The following GEN1 variants were observed in gnomAD, a reference collection of about 807,000 sequenced individuals.
The protein encoded by GEN1 is GEN1 structure-specific endonuclease, also known as flap endonuclease GEN homolog 1.
Under a neutral mutation model 67.6 loss-of-function variants are expected in GEN1, and 64 were observed. That is an observed-to-expected ratio of 0.95 (90% confidence interval 0.77 to 1.17). GEN1 has a LOEUF of 1.17. Among genes scored for constraint, GEN1 ranks in the 50% most tolerant of loss-of-function variants. GEN1 has a pLI of 0.00. For synonymous variants in GEN1, 371 were observed against 359.4 expected, an observed-to-expected ratio of 1.03 and a Z score of -0.37; for missense variants, 1,058 against 1,048.3, an observed-to-expected ratio of 1.01 and a Z score of -0.13.
rs62130895 is a variant in GEN1, at chr2:17,787,237, C to A, written c.*5298C>A. 6.6e-6 allele frequency: 1 copy of A among 152,182 alleles called. No homozygotes were observed. The highest frequency in any genetic ancestry group is 1.5e-5 in the Non-Finnish European group (1 of 68,046). 9.4% of individuals were successfully genotyped at this position (152,182 alleles called of 1,614,324 possible). ...AGAGTATTTATCACATTCATTCATT[C>A]GTTCCACAAATATTAGCTGATGCCT... On this transcript the variant is annotated 3_prime_UTR_variant, in exon 14 of 14. Coordinates refer to ENST00000381254, the MANE Select transcript of GEN1 (RefSeq NM_001130009.3).
chr2:17,753,420 G>C (rs184786467), upstream of GEN1, among the ~76,000 whole-genome samples: 2 of 78,010 alleles, frequency 2.6e-5, no homozygotes, highest in Non-Finnish European at 5.5e-5. Flanking sequence ...TGCCGCCTCG[G>C]AGAGCGCGCG....
rs1163799992 is a variant in GEN1 at position 17,784,328 on chromosome 2, T to C, written c.*2389T>C. ...AGATAATAACTAGTATTGATGAGGA[T>C]GTGGAGAAATTGAAATTCTCATAAC... On this transcript the variant is annotated 3_prime_UTR_variant, in exon 14 of 14. Coordinates refer to ENST00000381254, the MANE Select transcript of GEN1 (RefSeq NM_001130009.3). 1.3e-5 allele frequency: 2 copies of C among 152,182 alleles called. No homozygotes were observed. The highest frequency in any genetic ancestry group is 3.8e-4 in the East Asian group (2 of 5,200). 9.4% of individuals were successfully genotyped at this position (152,182 alleles called of 1,614,324 possible).
chr2:17,777,956 A>G, intron 11 of GEN1, 46 bp from the exon 12 acceptor site: 1 of 1,113,618 alleles, frequency 9.0e-7, no homozygotes, highest in Non-Finnish European at 1.4e-6. Context: ...GAAAATTTCC[A>G]AATATCTTAT....
intron 1 of GEN1, chr2:17,755,290 T>A (rs1671365952): frequency 6.6e-6 from 1 of 152,206 alleles, no homozygotes; most frequent in Non-Finnish European, 1.5e-5. Context: ...GTGGGGGACC[T>A]TTTTTCCTAA....
Position 17,759,934 on chromosome 2 carries a change from A to G in GEN1, c.-10A>G. 1.9e-6 allele frequency: 3 copies of G among 1,613,136 alleles called. No homozygotes were observed. The highest frequency in any genetic ancestry group is 2.7e-5 in the African/African-American group (2 of 74,994). ...AAGTGTGTTTCACATAACAGCAGAT[A>G]ATCACCAGAATGGGAGTGAATGACT... is the stretch of plus-strand genomic sequence containing the variant. On this transcript the variant is annotated 5_prime_UTR_variant, in exon 2 of 14. The change creates a new upstream start codon in the 5' untranslated region. Coordinates refer to ENST00000381254, the MANE Select transcript of GEN1 (RefSeq NM_001130009.3).
intron 6 of GEN1, among the ~76,000 whole-genome samples, chr2:17,769,553 T>C (rs115864287): frequency 0.014 from 2,178 of 152,332 alleles, 18 homozygotes; most frequent in Non-Finnish European, 0.02. Context: ...TTTGATATTG[T>C]ATTTTCTTTC....
chr2:17,771,594 T>C (rs1672192833), intron 7 of GEN1, among the ~76,000 whole-genome samples: 1 of 152,114 alleles, frequency 6.6e-6, no homozygotes, highest in East Asian at 1.9e-4. Flanking sequence ...GAAAAAAATA[T>C]ATACTAATAA....
At chr2:17,770,982 C>T (rs1182423740) in intron 6 of GEN1, 8 of 608,222 alleles carry the variant, frequency 1.3e-5, no homozygotes, top group Admixed American at 6.5e-5. Context: ...TATACTCTCT[C>T]TCCTGTCTTG....
intron 7 of GEN1, 121 bp downstream of exon 7, chr2:17,771,408 A>G (rs1289993905): frequency 1.5e-6 from 1 of 649,546 alleles, no homozygotes; most frequent in Non-Finnish European, 2.7e-6. Context: ...TGTCTTCTCC[A>G]CTAGATTAGG....
At position 17,781,811 on chromosome 2, in the gene GEN1, T is replaced by C. The variant is rs746489289; in HGVS notation, c.2599T>C (p.Phe867Leu). Residue 867 changes from phenylalanine (F) to leucine (L), a missense_variant, in exon 14 of 14, where the codon TTC becomes CTC. Transcript: ENST00000381254. ...AACAGCTGAAAATGAAGAAAGCTGTTTCCCAGATTCAACAAAAAGTTCTCT... is the reference window on the plus strand; with the variant it reads ...AACAGCTGAAAATGAAGAAAGCTGTCTCCCAGATTCAACAAAAAGTTCTCT... Reference protein sequence around the residue: ...YETAENEESCFPDSTKSSLSS... With the variant: ...YETAENEESCLPDSTKSSLSS... 3 of 1,612,480 alleles carry C rather than the reference T, an allele frequency of 1.9e-6. No homozygotes were observed. The highest frequency in any genetic ancestry group is 2.5e-6 in the Non-Finnish European group (3 of 1,179,460).
intron 11 of GEN1, among the ~76,000 whole-genome samples, chr2:17,777,796 C>T (rs1672508969): frequency 6.6e-6 from 1 of 151,894 alleles, no homozygotes; most frequent in Non-Finnish European, 1.5e-5. Context: ...AGGTAAGAAA[C>T]AACTTACTTA....
intron 5 of GEN1, among the ~76,000 whole-genome samples, chr2:17,767,108 C>T (rs898699040): frequency 3.3e-5 from 5 of 152,128 alleles, no homozygotes; most frequent in Admixed American, 1.3e-4. Flanking sequence ...TGCTAAGTCA[C>T]GTGATCATTG....
Position 17,772,710 on chromosome 2 carries a change from A to C in GEN1, c.879A>C (p.Glu293Asp), listed in dbSNP as rs1368324321. The C allele has an allele frequency of 6.2e-7, 1 of 1,612,184 alleles. No homozygotes were observed. Among genetic ancestry groups the C allele is most frequent in the South Asian group, 1.1e-5 (1 of 90,994 alleles). ...SDKYCEPHDY[E>D]YCCPCEWHRT... Reference sequence around the variant, plus strand: ...AATATTGTGAGCCACATGACTATGAATACTGCTGTCCTTGTGAGTGGCACC... The same window carrying C: ...AATATTGTGAGCCACATGACTATGACTACTGCTGTCCTTGTGAGTGGCACC... Residue 293 changes from glutamate to aspartate, a missense_variant, in exon 8 of 14, where the codon GAA becomes GAC. Coordinates refer to ENST00000381254, the MANE Select transcript of GEN1 (RefSeq NM_001130009.3).
rs374287739 is a variant in GEN1, at chr2:17,786,980, C to G, written c.*5041C>G. ...GCTCACAAGGCTGAGGCAGCCTGGC[C>G]CCAACTTGTCTCTTCAGCTTCATGC... On this transcript the variant is annotated 3_prime_UTR_variant, in exon 14 of 14. Transcript: ENST00000381254. The G allele has an allele frequency of 2.0e-5, 3 of 152,306 alleles. No homozygotes were observed. The highest frequency in any genetic ancestry group is 7.2e-5 in the African/African-American group (3 of 41,564). The allele number at this position is 152,306 out of a possible 1,614,324, so 9.4% of individuals were successfully genotyped here. A position where few individuals can be genotyped will look rare whatever the true frequency, so the allele number is the denominator to read the frequency against.
rs1672799553 is a variant in GEN1 at position 17,780,959 on chromosome 2, C to T, written c.1747C>T (p.Leu583=). The change falls in exon 14 of 14, where the codon CTA becomes TTA. Residue 583 remains leucine, a synonymous_variant. Coordinates refer to ENST00000381254, the MANE Select transcript of GEN1 (RefSeq NM_001130009.3). The part of the protein sequence containing the change: ...SSHNISVIAD[L]HLSTIDWEGT... ...TCATAATATATCCGTGATTGCTGAT[C>T]TACACTTGAGCACTATTGACTGGGA... 1 of 1,613,470 alleles carries T rather than the reference C, an allele frequency of 6.2e-7. No homozygotes were observed.
chr2:17,763,181 TCTC>T (rs551017208), intron 3 of GEN1, among the ~76,000 whole-genome samples: 17 of 152,314 alleles, frequency 1.1e-4, no homozygotes, highest in African/African-American at 3.6e-4. Context: ...ATGCCATTTT[TCTC>T]CTCTTCTGAA....
Position 17,782,123 on chromosome 2 carries a change from C to T in GEN1, c.*184C>T, listed in dbSNP as rs957832835. Reference sequence around the variant, plus strand: ...CCTAAAACTCTGGTTTTAAAAGATCCTCTGTATTGAAAACTTCTGATAATG... The same window carrying T: ...CCTAAAACTCTGGTTTTAAAAGATCTTCTGTATTGAAAACTTCTGATAATG... On this transcript the variant is annotated 3_prime_UTR_variant, in exon 14 of 14. Transcript: ENST00000381254. The T allele has an allele frequency of 2.1e-6, 1 of 471,044 alleles. No individual in the cohort carries two copies. Among genetic ancestry groups the T allele is most frequent in the African/African-American group, 2.0e-5 (1 of 49,850 alleles). The allele number at this position is 471,044 out of a possible 1,614,324, so 29.2% of individuals were successfully genotyped here.
In GEN1 at chr2:17,781,187, C is replaced by T. The variant is rs1316510764; in HGVS notation, c.1975C>T (p.His659Tyr). The change falls in exon 14 of 14, where the codon CAT (histidine) becomes TAT (tyrosine). Residue 659 changes from histidine (H) to tyrosine (Y), a missense_variant. By Grantham distance (83) the His-to-Tyr change is moderately conservative. Coordinates refer to ENST00000381254, the MANE Select transcript of GEN1 (RefSeq NM_001130009.3). ...EDSDGISPEE[H>Y]LLSGITDLCL... is the part of the protein sequence containing the mutation. ...TTCTGATGGGATTAGTCCTGAAGAGCATCTACTTTCTGGCATTACTGATTT... is the reference window on the plus strand; with the variant it reads ...TTCTGATGGGATTAGTCCTGAAGAGTATCTACTTTCTGGCATTACTGATTT... The T allele has an allele frequency of 6.2e-7, 1 of 1,613,788 alleles. No individual in the cohort carries two copies. Among genetic ancestry groups the T allele is most frequent in the Non-Finnish European group, 8.5e-7 (1 of 1,179,772 alleles).
At chr2:17,768,993 A>G (rs1158454427) in intron 6 of GEN1, among the ~76,000 whole-genome samples, 182 bp downstream of exon 6, 3 of 152,066 alleles carry the variant, frequency 2.0e-5, no homozygotes, top group Non-Finnish European at 4.4e-5. Context: ...AGGAAGGATG[A>G]GAATACATGT....
Sources: gnomAD v4.1 joint callset for allele counts (sites outside exome capture counted in the v4.1 genomes callset) on GRCh38, gnomAD v4.1.1 for gene constraint, MANE v1.5 for transcripts, NCBI Gene and HGNC (gene_info 2026-07-23, HGNC 2026-07-21) for gene names.